Variants in OXGR1 observed in about 807,000 individuals in gnomAD.
The protein encoded by OXGR1 is oxoglutarate receptor 1, also known as 2-oxoglutarate receptor 1.
A neutral mutation model predicts 10.0 loss-of-function variants in OXGR1; 10 were observed. That is an observed-to-expected ratio of 1.00 (90% CI 0.62 to 1.70). The LOEUF (loss-of-function observed/expected upper bound fraction) is 1.70, where lower values mean the gene tolerates loss of function less well. Among genes scored for constraint, OXGR1 ranks in the 40% most tolerant of loss-of-function variants. The pLI is 0.00. For missense variants in OXGR1, 398 were observed against 407.6 expected (o/e 0.98, Z 0.20); for synonymous variants, 191 against 155.9 (o/e 1.22, Z -1.68).
rs1457038280 is a variant in OXGR1 at position 96,985,961 on chromosome 13, A to C, written c.*785T>G. On this transcript the variant is annotated 3_prime_UTR_variant, in exon 4 of 4. Transcript: ENST00000541038. Reference sequence around the variant, plus strand: ...TCAAAACAGTGTTAGATATGATTGAACACCCAATACATACATGACATCTGA... The same window carrying C: ...TCAAAACAGTGTTAGATATGATTGACCACCCAATACATACATGACATCTGA... 2 of 152,230 alleles carry C rather than the reference A, an allele frequency of 1.3e-5. No homozygotes were observed. Among genetic ancestry groups the C allele is most frequent in the African/African-American group, 4.8e-5 (2 of 41,454 alleles). 9.4% of individuals were successfully genotyped at this position (152,230 alleles called of 1,614,324 possible).
At chr13:96,991,035 T>G (rs1378984058) in intron 2 of OXGR1, among the ~76,000 whole-genome samples, 1 of 151,294 alleles carries the variant, frequency 6.6e-6, no homozygotes, top group East Asian at 1.9e-4. Context: ...AAATAAACCC[T>G]TAGCCATGTT....
chr13:96,993,219 A>G (rs2138908542), intron 1 of OXGR1, among the ~76,000 whole-genome samples: 1 of 151,908 alleles, frequency 6.6e-6, no homozygotes, highest in South Asian at 2.1e-4. Flanking sequence ...TTGTGTTATT[A>G]TTGTTGTTGT....
Position 96,986,611 on chromosome 13 carries a change from C to A in OXGR1, c.*135G>T. 1 of 892,960 alleles carries A rather than the reference C, an allele frequency of 1.1e-6. No individual in the cohort carries two copies. The highest frequency in any genetic ancestry group is 1.7e-6 in the Non-Finnish European group (1 of 596,348). 55.3% of individuals were successfully genotyped at this position (892,960 alleles called of 1,614,324 possible). On this transcript the variant is annotated 3_prime_UTR_variant, in exon 4 of 4. Coordinates refer to ENST00000541038, the MANE Select transcript of OXGR1 (RefSeq NM_001346194.2). ...GGATTGCAAAGAACTAGAAGCTCTG[C>A]CCTGGCTTTGGCACATGATTACTTG...
At chr13:96,992,255 T>C (rs76756329) in intron 2 of OXGR1, among the ~76,000 whole-genome samples, 167 bp downstream of exon 2, 6,981 of 152,258 alleles carry the variant, frequency 0.046, 566 homozygotes, top group African/African-American at 0.16. Flanking sequence ...TTTGTATTAA[T>C]AACACAAAGG....
intron 2 of OXGR1, 105 bp from the exon 3 acceptor site, chr13:96,989,914 G>T (rs932123423): frequency 6.6e-6 from 1 of 152,152 alleles, no homozygotes; most frequent in African/African-American, 2.4e-5. Flanking sequence ...TATCTGCAGT[G>T]CATTGGTTCC....
chr13:96,992,163 C>G (rs1358958078), intron 2 of OXGR1, among the ~76,000 whole-genome samples: 1 of 151,818 alleles, frequency 6.6e-6, no homozygotes, highest in African/African-American at 2.4e-5. Flanking sequence ...TGAATAAGAC[C>G]TACTATTTGA....
At chr13:96,990,945 T>TAAAAAAAAAAAAAAAAAAAAA (rs1882022015) in intron 2 of OXGR1, among the ~76,000 whole-genome samples, 1 of 22,468 alleles carries the variant, frequency 4.5e-5, no homozygotes, top group African/African-American at 3.1e-4. Flanking sequence ...CAAGACTCTT[T>TAAAAAAAAAAAAAAAAAAAAA]CAAAAAAAAA....
chr13:96,993,682 C>G (rs1051142400), intron 1 of OXGR1, among the ~76,000 whole-genome samples: 1 of 152,070 alleles, frequency 6.6e-6, no homozygotes, highest in Non-Finnish European at 1.5e-5. Context: ...TGCATGGACA[C>G]GCAAATATTA....
chr13:96,990,589 T>C (rs930931005), intron 2 of OXGR1, among the ~76,000 whole-genome samples: 4 of 152,012 alleles, frequency 2.6e-5, no homozygotes, highest in African/African-American at 9.7e-5. Flanking sequence ...ACCAGTAACA[T>C]CAGCAAAACT....
Position 96,987,714 on chromosome 13 carries a change from C to T in OXGR1, c.46G>A (p.Asp16Asn), listed in dbSNP as rs758289092. 25 of 1,609,738 alleles carry T rather than the reference C, an allele frequency of 1.6e-5. No homozygotes were observed. The Admixed American group carries it at 2.5e-4, about 16-fold the overall frequency. ...CAATTTCCAAAAGCAGCTGCATAAT[C>T]GGGGAAATCAGAAGCATTTGCTAAA... The part of the protein sequence containing the change: ...DYLANASDFP[D>N]YAAAFGNCTD... The change falls in exon 4 of 4, where the codon GAT becomes AAT. Residue 16 changes from aspartate (D) to asparagine (N), a missense_variant. By Grantham distance (23) the Asp-to-Asn change is conservative. Transcript: ENST00000541038.
intron 3 of OXGR1, among the ~76,000 whole-genome samples, chr13:96,988,614 G>A (rs559092292): frequency 2.0e-5 from 3 of 152,196 alleles, no homozygotes; most frequent in East Asian, 3.9e-4. Context: ...TGGATGGGGC[G>A]GGATCAATGG....
chr13:96,991,960 G>A (rs747622859), intron 2 of OXGR1, among the ~76,000 whole-genome samples: 10 of 152,222 alleles, frequency 6.6e-5, no homozygotes, highest in African/African-American at 1.7e-4. Flanking sequence ...GTCATTATGG[G>A]AAGTGAAAAA....
At position 96,987,407 on chromosome 13, in the gene OXGR1, TA is replaced by T; in HGVS notation, c.352del (p.Tyr118IlefsTer17). The T allele has an allele frequency of 6.2e-7, 1 of 1,614,180 alleles. No homozygotes were observed. The highest frequency in any genetic ancestry group is 8.5e-7 in the Non-Finnish European group (1 of 1,180,032). On this transcript the variant is annotated frameshift_variant, in exon 4 of 4. Coordinates refer to ENST00000541038, the MANE Select transcript of OXGR1 (RefSeq NM_001346194.2). LOFTEE classifies it high-confidence loss of function. Reference protein sequence around the residue: ...FIRFSFHFNLYSSILFLTCFS... With the variant: ...FIRFSFHFNLXSSILFLTCFS... ...ACAGGTGAGGAAGAGGATGCTGCTA[TA>T]CAGGTTGAAATGGAAGCTGAAGCGG...
rs1041237150 is a variant in OXGR1, at chr13:96,994,415, G to T, written c.-395C>A. 3 of 122,496 alleles carry T rather than the reference G, an allele frequency of 2.4e-5. No individual in the cohort carries two copies. Among genetic ancestry groups the T allele is most frequent in the African/African-American group, 5.9e-5 (2 of 33,726 alleles). The allele number at this position is 122,496 out of a possible 1,614,324, so 7.6% of individuals were successfully genotyped here. ...CGCCCCGCCCCTCCCACCCCTCCGA[G>T]GCCCAGCGAGCAAGTGCGTGTTCTC... On this transcript the variant is annotated 5_prime_UTR_variant, in exon 1 of 4. Coordinates refer to ENST00000541038, the MANE Select transcript of OXGR1 (RefSeq NM_001346194.2).
intron 3 of OXGR1, among the ~76,000 whole-genome samples, chr13:96,988,329 C>T (rs1166720262): frequency 1.3e-5 from 2 of 152,156 alleles, no homozygotes; most frequent in Non-Finnish European, 1.5e-5. Context: ...GATCCACACT[C>T]GCATTTTTCT....
rs1881727496 is a variant in OXGR1 at position 96,986,189 on chromosome 13, A to G, written c.*557T>C. ...TTTCAAGGGTATCTTACTGGCTTGAAGTAATATACAGAACTGGCTAAACCC... is the reference window on the plus strand; with the variant it reads ...TTTCAAGGGTATCTTACTGGCTTGAGGTAATATACAGAACTGGCTAAACCC... On this transcript the variant is annotated 3_prime_UTR_variant, in exon 4 of 4. Coordinates refer to ENST00000541038, the MANE Select transcript of OXGR1 (RefSeq NM_001346194.2). 2.6e-5 allele frequency: 4 copies of G among 152,568 alleles called. No individual in the cohort carries two copies. The South Asian group carries it at 8.3e-4, about 32-fold the overall frequency. The allele number at this position is 152,568 out of a possible 1,614,324, so 9.5% of individuals were successfully genotyped here.
In OXGR1 at chr13:96,987,619, T is replaced by A; in HGVS notation, c.141A>T (p.Gly47=). 1 of 1,614,100 alleles carries A rather than the reference T, an allele frequency of 6.2e-7. No homozygotes were observed. The highest frequency in any genetic ancestry group is 8.5e-7 in the Non-Finnish European group (1 of 1,180,028). The change falls in exon 4 of 4, where the codon GGA becomes GGT. Residue 47 remains glycine, a synonymous_variant. Coordinates refer to ENST00000541038, the MANE Select transcript of OXGR1 (RefSeq NM_001346194.2). ...ATATCACTACTGCATTGCCTGGAAA[T>A]CCCACGAGGAAGATAATGCCATAAA... ...PVIYGIIFLV[G]FPGNAVVIST...
At position 96,986,108 on chromosome 13, in the gene OXGR1, C is replaced by A. The variant is rs1388566877; in HGVS notation, c.*638G>T. ...TTTTAACAACAATAAAGACATAATA[C>A]TCCAAATATATTGCAGGTACTAATT... On this transcript the variant is annotated 3_prime_UTR_variant, in exon 4 of 4. Transcript: ENST00000541038. The A allele has an allele frequency of 6.6e-6, 1 of 152,194 alleles. No homozygotes were observed. Among genetic ancestry groups the A allele is most frequent in the Non-Finnish European group, 1.5e-5 (1 of 68,056 alleles). The allele number at this position is 152,194 out of a possible 1,614,324, so 9.4% of individuals were successfully genotyped here. A position where few individuals can be genotyped will look rare whatever the true frequency, so the allele number is the denominator to read the frequency against.
chr13:96,992,205 C>A (rs1033275837), intron 2 of OXGR1, among the ~76,000 whole-genome samples: 6 of 151,666 alleles, frequency 4.0e-5, no homozygotes, highest in Admixed American at 3.3e-4. Flanking sequence ...GTCATAATAA[C>A]TTAATTGCAC....
Sources: gnomAD v4.1 joint callset for allele counts (sites outside exome capture counted in the v4.1 genomes callset) on GRCh38, gnomAD v4.1.1 for gene constraint, MANE v1.5 for transcripts, NCBI Gene and HGNC (gene_info 2026-07-23, HGNC 2026-07-21) for gene names.